Variants in SGCZ observed in about 807,000 individuals in gnomAD.
The protein encoded by SGCZ is zeta-sarcoglycan.
In SGCZ, 40 loss-of-function variants were observed where a neutral mutation model predicts 41.3. The observed-to-expected ratio is 0.97, with a 90% CI of 0.75 to 1.26. SGCZ has a LOEUF of 1.26. SGCZ is among the 50% of genes most tolerant of loss of function. The pLI, the probability that SGCZ is intolerant of heterozygous loss-of-function variation, is 0.00. For missense variants in SGCZ, 552 were observed against 369.8 expected, an observed-to-expected ratio of 1.49 and a Z score of -4.04; for synonymous variants, 206 against 137.5, an observed-to-expected ratio of 1.50 and a Z score of -3.49.
intron 2 of SGCZ, among the ~76,000 whole-genome samples, chr8:14,383,369 T>C (rs1804441597): frequency 6.6e-6 from 1 of 152,206 alleles, no homozygotes; most frequent in Non-Finnish European, 1.5e-5. Flanking sequence ...AAGTTTATAA[T>C]TATGGGAAAG....
chr8:14,144,667 A>T (rs1803469399), intron 5 of SGCZ, among the ~76,000 whole-genome samples: 2 of 151,784 alleles, frequency 1.3e-5, no homozygotes, highest in Non-Finnish European at 2.9e-5. Context: ...GTAGAGCACC[A>T]AGCAGGCTCC....
intron 1 of SGCZ, among the ~76,000 whole-genome samples, chr8:15,108,168 T>C (rs925871171): frequency 6.6e-6 from 1 of 152,236 alleles, no homozygotes; most frequent in Non-Finnish European, 1.5e-5. Flanking sequence ...TTTCCATGCG[T>C]TAATTTTGCT....
At chr8:14,145,347 C>T (rs770407797) in intron 5 of SGCZ, among the ~76,000 whole-genome samples, 11 of 152,146 alleles carry the variant, frequency 7.2e-5, no homozygotes, top group Non-Finnish European at 1.3e-4. Context: ...ATACTAACAA[C>T]CCCTATGACT....
chr8:14,153,598 G>C (rs1056487256), intron 5 of SGCZ, among the ~76,000 whole-genome samples: 2 of 152,210 alleles, frequency 1.3e-5, no homozygotes, highest in African/African-American at 4.8e-5. Flanking sequence ...CAAAAGGCCT[G>C]TGTTTCAGCC....
At chr8:15,166,901 A>G (rs997491418) in intron 1 of SGCZ, among the ~76,000 whole-genome samples, 1 of 152,224 alleles carries the variant, frequency 6.6e-6, no homozygotes, top group Non-Finnish European at 1.5e-5. Flanking sequence ...GGATTCACAA[A>G]GAGCTGAAAT....
chr8:14,288,169 T>G (rs1446495141), intron 3 of SGCZ, among the ~76,000 whole-genome samples: 1 of 152,254 alleles, frequency 6.6e-6, no homozygotes, highest in Admixed American at 6.6e-5. Context: ...TCTCAGTATG[T>G]GAGTGTGGAA....
At chr8:14,458,040 C>G (rs1307904461) in intron 2 of SGCZ, among the ~76,000 whole-genome samples, 1 of 152,088 alleles carries the variant, frequency 6.6e-6, no homozygotes, top group Non-Finnish European at 1.5e-5. Context: ...ATGGGTCAAT[C>G]AAACCTCCTT....
chr8:14,412,105 A>C (rs529074377), intron 2 of SGCZ, among the ~76,000 whole-genome samples: 2 of 152,246 alleles, frequency 1.3e-5, no homozygotes, highest in African/African-American at 4.8e-5. Flanking sequence ...GCAGAAAAGA[A>C]CAGTATGTGT....
At chr8:14,494,020 A>G (rs938664659) in intron 2 of SGCZ, among the ~76,000 whole-genome samples, 2 of 152,196 alleles carry the variant, frequency 1.3e-5, no homozygotes, top group African/African-American at 4.8e-5. Context: ...ACAAATAACC[A>G]AGCAATAATG....
chr8:15,172,550 A>C (rs1224005332), intron 1 of SGCZ, among the ~76,000 whole-genome samples: 1 of 152,166 alleles, frequency 6.6e-6, no homozygotes, highest in African/African-American at 2.4e-5. Flanking sequence ...TAAGTCTCAG[A>C]ATATTTATAA....
chr8:14,554,909 G>T lies in SGCZ; in HGVS notation c.57C>A (p.Tyr19Ter), dbSNP rs1803986153. 1.2e-6 allele frequency: 2 copies of T among 1,605,382 alleles called. No homozygotes were observed. The highest frequency in any genetic ancestry group is 1.1e-5 in the South Asian group (1 of 90,080). ...GGTTATTCTGTTGGGTTGCTAGTAT[G>T]TATTGTTCTCGTGTCATCTGAAAAA... ...IEELKMTREQYILATQQNNLP... is the reference protein window; with the variant it reads ...IEELKMTREQ Residue 19 changes from tyrosine to a stop codon, truncating the protein, a stop_gained, in exon 2 of 8, where the codon TAC (tyrosine) becomes TAA (stop). Transcript: ENST00000382080. LOFTEE classifies it high-confidence loss of function.
At chr8:14,278,554 C>T (rs1029324810) in intron 3 of SGCZ, among the ~76,000 whole-genome samples, 3 of 151,928 alleles carry the variant, frequency 2.0e-5, no homozygotes, top group Middle Eastern at 3.4e-3. Context: ...ACTCATTTCA[C>T]GTTGAAAAAT....
At chr8:14,301,230 G>A (rs745784248) in intron 3 of SGCZ, among the ~76,000 whole-genome samples, 8 of 151,892 alleles carry the variant, frequency 5.3e-5, no homozygotes, top group Non-Finnish European at 1.2e-4. Flanking sequence ...CCCAATGTAT[G>A]TATTATTTAA....
At chr8:15,140,244 C>T (rs1037353532) in intron 1 of SGCZ, among the ~76,000 whole-genome samples, 32 of 152,104 alleles carry the variant, frequency 2.1e-4, no homozygotes, top group Admixed American at 2.0e-3. Flanking sequence ...AGGCCAGTCT[C>T]GGACTCCTGG....
intron 1 of SGCZ, among the ~76,000 whole-genome samples, chr8:15,001,033 C>T (rs1016961481): frequency 1.3e-5 from 2 of 152,198 alleles, no homozygotes; most frequent in Admixed American, 6.5e-5. Context: ...AACTGAAGCT[C>T]TGGCAAAAGG....
intron 2 of SGCZ, among the ~76,000 whole-genome samples, chr8:14,421,730 C>A (rs575007717): frequency 6.6e-6 from 1 of 152,030 alleles, no homozygotes; most frequent in Non-Finnish European, 1.5e-5. Context: ...TCATCCCAAG[C>A]GCTATCTTGT....
At chr8:14,756,243 T>C (rs1799662040) in intron 1 of SGCZ, among the ~76,000 whole-genome samples, 1 of 147,744 alleles carries the variant, frequency 6.8e-6, no homozygotes, top group Non-Finnish European at 1.5e-5. Flanking sequence ...GGGAGTGCAA[T>C]GGAACTATAT....
intron 2 of SGCZ, among the ~76,000 whole-genome samples, chr8:14,509,052 C>G (rs910596874): frequency 6.6e-6 from 1 of 152,126 alleles, no homozygotes; most frequent in African/African-American, 2.4e-5. Context: ...TTTGTTCACT[C>G]TCATTAGATC....
chr8:14,312,049 A>C (rs1263544678), intron 3 of SGCZ, among the ~76,000 whole-genome samples: 1 of 152,080 alleles, frequency 6.6e-6, no homozygotes, highest in Non-Finnish European at 1.5e-5. Flanking sequence ...TTTAGTAGCT[A>C]TTAGTGGGGA....
Sources: allele counts gnomAD v4.1 joint callset (sites outside exome capture counted in the v4.1 genomes callset), GRCh38; gene constraint gnomAD v4.1.1; transcripts MANE v1.5; gene names NCBI Gene and HGNC (gene_info 2026-07-23, HGNC 2026-07-21).